MBD5: variants seen among roughly 807,000 people sequenced by gnomAD.
The protein encoded by MBD5 is methyl-CpG-binding domain protein 5.
Under a neutral mutation model 117.3 loss-of-function variants are expected in MBD5, and 13 were observed. The ratio of observed to expected loss-of-function variants is 0.11; its 90% CI spans 0.07 to 0.18. The LOEUF (loss-of-function observed/expected upper bound fraction) is 0.18, where lower values mean the gene tolerates loss of function less well. MBD5 is among the 10% of genes least tolerant of loss of function. MBD5 has a pLI of 1.00. For missense variants in MBD5, 1,879 were observed against 2,093.8 expected (o/e 0.90, Z 2.00); for synonymous variants, 727 against 766.4 (o/e 0.95, Z 0.85).
At chr2:148,380,047 G>A (rs909962871) in intron 4 of MBD5, among the ~76,000 whole-genome samples, 1 of 152,086 alleles carries the variant, frequency 6.6e-6, no homozygotes, top group Non-Finnish European at 1.5e-5. Flanking sequence ...AAAATGAATC[G>A]ATAGCAAAAA....
intron 1 of MBD5, 22 bp from the exon 2 acceptor site, chr2:148,178,678 T>C: frequency 2.5e-6 from 1 of 398,086 alleles, no homozygotes; most frequent in Non-Finnish European, 4.4e-6. Context: ...ATTCATTATA[T>C]TTTCTTATGC....
intron 1 of MBD5, among the ~76,000 whole-genome samples, chr2:148,092,112 A>G (rs1407854302): frequency 6.6e-6 from 1 of 152,226 alleles, no homozygotes; most frequent in African/African-American, 2.4e-5. Context: ...CCATGATGAG[A>G]TACCACCTTA....
chr2:148,301,513 G>A (rs919163671), intron 3 of MBD5, among the ~76,000 whole-genome samples: 1 of 152,196 alleles, frequency 6.6e-6, no homozygotes, highest in South Asian at 2.1e-4. Flanking sequence ...AAAAGCTTTA[G>A]AGCAGGAAGG....
At chr2:148,389,299 T>TAA (rs1704490938) in intron 4 of MBD5, among the ~76,000 whole-genome samples, 2 of 105,616 alleles carry the variant, frequency 1.9e-5, no homozygotes, top group East Asian at 6.3e-4. Context: ...TATATATATA[T>TAA]ATATAACATT....
At chr2:148,131,453 G>A (rs990628225) in intron 1 of MBD5, among the ~76,000 whole-genome samples, 1 of 152,134 alleles carries the variant, frequency 6.6e-6, no homozygotes, top group African/African-American at 2.4e-5. Flanking sequence ...TAGCACTTTG[G>A]GGGGCCGAGG....
At position 148,469,730 on chromosome 2, in the gene MBD5, G is replaced by T. The variant is rs1230889042; in HGVS notation, c.1787G>T (p.Gly596Val). Reference protein sequence around the residue: ...AQLANQNKLAGNNSSSSSNSG... With the variant: ...AQLANQNKLAVNNSSSSSNSG... ...CTAGCAAATCAAAACAAACTTGCTG[G>T]TAACAACAGTAGCAGCAGTAGCAAT... is the stretch of plus-strand genomic sequence containing the variant. Residue 596 changes from glycine to valine, a missense_variant, in exon 8 of 14, where the codon GGT (glycine) becomes GTT (valine). Gly to Val is a moderately radical substitution (Grantham distance 109). Around this residue, in one of 4 missense-constraint regions of MBD5, gnomAD observed 1,666 missense variants for 1,792.2 expected, o/e 0.93. Coordinates refer to ENST00000642680, the MANE Select transcript of MBD5 (RefSeq NM_001378120.1). 1 of 1,613,934 alleles carries T rather than the reference G, an allele frequency of 6.2e-7. No homozygotes were observed. Among genetic ancestry groups the T allele is most frequent in the East Asian group, 2.2e-5 (1 of 44,866 alleles).
rs765325576 is a variant in MBD5, at chr2:148,441,360, GT to G, written c.-556-16837del. 3.2e-4 allele frequency among the ~76,000 whole-genome samples: 49 copies of G among 152,064 alleles called. No homozygotes were observed. In the East Asian group the frequency reaches 8.0e-3, roughly 25 times the overall value. On this transcript the variant is annotated intron_variant, in intron 4 of 13. Transcript: ENST00000642680. The stretch of plus-strand genomic sequence containing the variant: ...TATGAGTGAGAACATGCGGTGTTTG[GT>G]TTTTTGTCCTTGCGATAGTTTGCTG...
At chr2:148,030,991 C>G (rs148913788) in intron 1 of MBD5, among the ~76,000 whole-genome samples, 59 of 152,234 alleles carry the variant, frequency 3.9e-4, no homozygotes, top group African/African-American at 1.4e-3. Flanking sequence ...GCACTTCTCA[C>G]TGTCCTGGAA....
intron 1 of MBD5, among the ~76,000 whole-genome samples, chr2:148,114,890 G>GA (rs200902907): frequency 8.7e-5 from 13 of 149,418 alleles, no homozygotes; most frequent in Admixed American, 4.0e-4. Flanking sequence ...TGTGTACATT[G>GA]AAAAAAAAAG....
intron 3 of MBD5, among the ~76,000 whole-genome samples, chr2:148,313,534 T>C (rs1702086639): frequency 6.6e-6 from 1 of 152,206 alleles, no homozygotes; most frequent in Admixed American, 6.5e-5. Context: ...ACTGCTCTGC[T>C]GGCCACGAGA....
chr2:148,154,460 C>A (rs1697800987), intron 1 of MBD5, among the ~76,000 whole-genome samples: 1 of 152,050 alleles, frequency 6.6e-6, no homozygotes, highest in African/African-American at 2.4e-5. Flanking sequence ...TGGGCTCCAC[C>A]CAGTTCGAGC....
chr2:148,168,799 T>C (rs1033868177), intron 1 of MBD5, among the ~76,000 whole-genome samples: 2 of 151,904 alleles, frequency 1.3e-5, no homozygotes, highest in African/African-American at 4.8e-5. Context: ...AAGGACTCAG[T>C]GCAGCAAGAA....
At chr2:148,312,590 T>G (rs1470149473) in intron 3 of MBD5, among the ~76,000 whole-genome samples, 1 of 152,206 alleles carries the variant, frequency 6.6e-6, no homozygotes, top group East Asian at 1.9e-4. Flanking sequence ...TGCATTGGGT[T>G]AGAACATGCT....
At chr2:148,058,253 C>T (rs1170907062) in intron 1 of MBD5, among the ~76,000 whole-genome samples, 9 of 152,018 alleles carry the variant, frequency 5.9e-5, no homozygotes, top group African/African-American at 1.9e-4. Context: ...CTTGGATACT[C>T]ACAGAAACCC....
chr2:148,513,069 G>T lies in MBD5; in HGVS notation c.*128G>T, dbSNP rs995054436. 6.2e-6 allele frequency: 6 copies of T among 975,516 alleles called. No individual in the cohort carries two copies. Among genetic ancestry groups the T allele is most frequent in the Admixed American group, 6.0e-5 (3 of 49,926 alleles). 60.4% of individuals were successfully genotyped at this position (975,516 alleles called of 1,614,324 possible). A position where few individuals can be genotyped will look rare whatever the true frequency, so the allele number is the denominator to read the frequency against. On this transcript the variant is annotated 3_prime_UTR_variant, in exon 14 of 14. Transcript: ENST00000642680. ...ATGGCAGATAGCTACCACCACCACA[G>T]GGTGCTAAAAGAAACAGTGATACAA...
chr2:148,056,901 T>C (rs1299340467), intron 1 of MBD5, among the ~76,000 whole-genome samples: 2 of 151,888 alleles, frequency 1.3e-5, no homozygotes. Flanking sequence ...GTAATTTTTT[T>C]TTTAGTTGTC....
chr2:148,133,232 C>T (rs1697092961), intron 1 of MBD5, among the ~76,000 whole-genome samples: 1 of 152,142 alleles, frequency 6.6e-6, no homozygotes, highest in South Asian at 2.1e-4. Context: ...AAAGACAATA[C>T]ATATATTTTT....
At chr2:148,412,261 T>A (rs1407890164) in intron 4 of MBD5, among the ~76,000 whole-genome samples, 1 of 147,748 alleles carries the variant, frequency 6.8e-6, no homozygotes, top group East Asian at 2.0e-4. Flanking sequence ...TGTAGCCTTG[T>A]AGTATACTTT....
At chr2:148,381,140 G>C (rs1003028882) in intron 4 of MBD5, among the ~76,000 whole-genome samples, 2 of 152,194 alleles carry the variant, frequency 1.3e-5, no homozygotes, top group African/African-American at 4.8e-5. Flanking sequence ...CAAATTGAGA[G>C]AGGAAGGCTT....
Sources: allele counts gnomAD v4.1 joint callset (sites outside exome capture counted in the v4.1 genomes callset), GRCh38; gene constraint gnomAD v4.1.1; regional missense constraint gnomAD v4.1.1; transcripts MANE v1.5; gene names NCBI Gene and HGNC (gene_info 2026-07-23, HGNC 2026-07-21).